MBOAT2: variants seen among roughly 807,000 people sequenced by gnomAD.
The protein encoded by MBOAT2 is membrane-bound glycerophospholipid O-acyltransferase 2.
A neutral mutation model predicts 63.4 loss-of-function variants in MBOAT2; 28 were observed. The observed-to-expected ratio is 0.44, with a 90% CI of 0.33 to 0.61. The LOEUF is 0.61. Ranked by LOEUF, MBOAT2 falls within the 20% of genes least tolerant of loss-of-function variation. The pLI is 0.03. For missense variants in MBOAT2, 470 were observed against 605.8 expected (o/e 0.78, Z 2.35); for synonymous variants, 211 against 215.6 (o/e 0.98, Z 0.19).
At chr2:8,958,330 A>C (rs1047178290) in intron 2 of MBOAT2, among the ~76,000 whole-genome samples, 167 bp downstream of exon 2, 23 of 152,224 alleles carry the variant, frequency 1.5e-4, no homozygotes, top group African/African-American at 5.3e-4. Context: ...CCCATTTCCC[A>C]TTCGTTATTT....
At chr2:8,861,448 A>C (rs1661487124) in intron 11 of MBOAT2, among the ~76,000 whole-genome samples, 1 of 152,204 alleles carries the variant, frequency 6.6e-6, no homozygotes, top group African/African-American at 2.4e-5. Context: ...TTTAAGCGCA[A>C]GAATGGAATG....
chr2:8,915,008 G>A (rs929776313), intron 3 of MBOAT2, among the ~76,000 whole-genome samples: 5 of 132,388 alleles, frequency 3.8e-5, no homozygotes, highest in Non-Finnish European at 6.1e-5. Context: ...GCGCAATCTC[G>A]GCTCACTGCA....
chr2:8,979,786 T>C (rs1671075760), intron 1 of MBOAT2, among the ~76,000 whole-genome samples: 1 of 152,130 alleles, frequency 6.6e-6, no homozygotes, highest in Non-Finnish European at 1.5e-5. Context: ...TCAACATAGA[T>C]TCTTACATAA....
chr2:8,994,275 T>A (rs919395840), intron 1 of MBOAT2, among the ~76,000 whole-genome samples: 1 of 151,472 alleles, frequency 6.6e-6, no homozygotes, highest in Non-Finnish European at 1.5e-5. Flanking sequence ...GTTATCAGAG[T>A]AGAATACAGT....
chr2:8,937,850 G>A lies in MBOAT2; in HGVS notation c.299+5337C>T, dbSNP rs747733414. On this transcript the variant is annotated intron_variant, in intron 3 of 12. Coordinates refer to ENST00000305997, the MANE Select transcript of MBOAT2 (RefSeq NM_138799.4). ...TCTGCTAGGCCCTGGGGATGAAGCC[G>A]CGTGTGAGACAGACAGGACATGCTC... Among the ~76,000 whole-genome samples the A allele has an allele frequency of 1.6e-4, 24 of 152,130 alleles. No homozygotes were observed. The East Asian group carries it at 3.5e-3, about 22-fold the overall frequency.
chr2:8,999,907 T>A (rs1286787517), intron 1 of MBOAT2, among the ~76,000 whole-genome samples: 1 of 152,248 alleles, frequency 6.6e-6, no homozygotes, highest in Non-Finnish European at 1.5e-5. Context: ...CCAATACCTC[T>A]GGAATTCTCA....
intron 2 of MBOAT2, among the ~76,000 whole-genome samples, chr2:8,955,654 T>TA (rs1558653923): frequency 6.6e-6 from 1 of 152,246 alleles, no homozygotes; most frequent in Non-Finnish European, 1.5e-5. Flanking sequence ...GAATATTACA[T>TA]AAACTTAGTT....
intron 3 of MBOAT2, among the ~76,000 whole-genome samples, chr2:8,909,312 T>G (rs1387750562): frequency 6.6e-6 from 1 of 152,132 alleles, no homozygotes; most frequent in East Asian, 1.9e-4. Context: ...TCCAGAATAT[T>G]TAACATTGAA....
intron 3 of MBOAT2, among the ~76,000 whole-genome samples, chr2:8,927,219 T>G (rs1666993010): frequency 6.6e-6 from 1 of 152,156 alleles, no homozygotes; most frequent in Non-Finnish European, 1.5e-5. Context: ...CATCTCCTTC[T>G]TCCAATGGCC....
chr2:8,976,837 A>ATTAC (rs1474806885), intron 1 of MBOAT2, among the ~76,000 whole-genome samples: 3 of 152,194 alleles, frequency 2.0e-5, no homozygotes, highest in African/African-American at 7.2e-5. Context: ...ACAATAGGAT[A>ATTAC]TTACTTACTT....
intron 11 of MBOAT2, 29 bp from the exon 12 acceptor site, chr2:8,860,793 G>C (rs371449662): frequency 6.6e-7 from 1 of 1,518,174 alleles, no homozygotes; most frequent in Non-Finnish European, 9.0e-7. Flanking sequence ...AACATTTGCT[G>C]TATCTTTAAA....
At chr2:8,989,526 C>T (rs2103357883) in intron 1 of MBOAT2, among the ~76,000 whole-genome samples, 1 of 152,206 alleles carries the variant, frequency 6.6e-6, no homozygotes. Flanking sequence ...TGTATCATCC[C>T]AGGAGAGCTA....
intron 9 of MBOAT2, among the ~76,000 whole-genome samples, chr2:8,866,089 T>A (rs1326703462): frequency 6.6e-6 from 1 of 152,048 alleles, no homozygotes; most frequent in African/African-American, 2.4e-5. Context: ...GGCATTTATG[T>A]CCTTCTCTTA....
chr2:8,892,550 G>A (rs1664081255), intron 4 of MBOAT2, among the ~76,000 whole-genome samples: 1 of 152,196 alleles, frequency 6.6e-6, no homozygotes, highest in African/African-American at 2.4e-5. Context: ...AACAAGACAG[G>A]CCAAGTCCTT....
intron 3 of MBOAT2, among the ~76,000 whole-genome samples, chr2:8,939,815 A>G (rs1262161759): frequency 6.6e-6 from 1 of 152,032 alleles, no homozygotes; most frequent in East Asian, 1.9e-4. Flanking sequence ...CTAGAAAGAA[A>G]CTCACTTGAA....
intron 4 of MBOAT2, among the ~76,000 whole-genome samples, chr2:8,890,933 T>G (rs1259973488): frequency 6.6e-6 from 1 of 152,260 alleles, no homozygotes; most frequent in Non-Finnish European, 1.5e-5. Context: ...TCATCTGTGC[T>G]TGAAAGCATT....
chr2:8,917,616 G>A lies in MBOAT2; in HGVS notation c.300-8900C>T, dbSNP rs115970336. Among the ~76,000 whole-genome samples the A allele has an allele frequency of 8.5e-4, 129 of 152,272 alleles. 1 individual carries two copies. Among genetic ancestry groups the A allele is most frequent in the African/African-American group, 2.9e-3 (121 of 41,552 alleles). On this transcript the variant is annotated intron_variant, in intron 3 of 12. Transcript: ENST00000305997. The stretch of plus-strand genomic sequence containing the variant: ...CTGGTGGGAACAGAAAGGAACTGGC[G>A]CTCGCATACACTGCCAGTGGGAGTG...
chr2:8,884,065 AAAAAAAAAAAG>A (rs1663349404), intron 5 of MBOAT2, among the ~76,000 whole-genome samples: 1 of 150,656 alleles, frequency 6.6e-6, no homozygotes, highest in Non-Finnish European at 1.5e-5. Context: ...TTTACTAAAA[AAAAAAAAAAAG>A]AAAAAAAAAA....
intron 6 of MBOAT2, among the ~76,000 whole-genome samples, chr2:8,881,099 T>C (rs1173610102): frequency 4.6e-5 from 7 of 152,162 alleles, no homozygotes; most frequent in African/African-American, 1.2e-4. Flanking sequence ...CAGGAGTAAC[T>C]GACGCAGCTA....
Sources: gnomAD v4.1 joint callset for allele counts (sites outside exome capture counted in the v4.1 genomes callset) on GRCh38, gnomAD v4.1.1 for gene constraint, MANE v1.5 for transcripts, NCBI Gene and HGNC (gene_info 2026-07-23, HGNC 2026-07-21) for gene names.